Variants in PRDM5 observed in about 807,000 individuals in gnomAD.
PRDM5 encodes PR domain zinc finger protein 5.
A neutral mutation model predicts 81.2 loss-of-function variants in PRDM5; 56 were observed. That is an observed-to-expected ratio of 0.69 (90% confidence interval 0.56 to 0.86). The LOEUF (loss-of-function observed/expected upper bound fraction) is 0.86. PRDM5 is among the 40% of genes least tolerant of loss of function. The pLI, the probability that PRDM5 is intolerant of heterozygous loss-of-function variation, is 0.00. For missense variants in PRDM5, 697 were observed against 770.1 expected (o/e 0.91, Z 1.12); for synonymous variants, 267 against 256.4 (o/e 1.04, Z -0.39).
intron 15 of PRDM5, among the ~76,000 whole-genome samples, chr4:120,709,205 A>G (rs1297750335): frequency 6.6e-6 from 1 of 152,186 alleles, no homozygotes; most frequent in Non-Finnish European, 1.5e-5. Flanking sequence ...TATATCAGCT[A>G]CTTGTGTCAC....
chr4:120,694,160 T>C lies in PRDM5; in HGVS notation c.*951A>G, dbSNP rs1734281022. On this transcript the variant is annotated 3_prime_UTR_variant, in exon 16 of 16. Coordinates refer to ENST00000264808, the MANE Select transcript of PRDM5 (RefSeq NM_018699.4). ...TGAGGACTGTATCTGCACTAACATG[T>C]TCTGTGCACTTTTATGGAAGGAGAG... is the stretch of plus-strand genomic sequence containing the variant. 6.6e-6 allele frequency: 1 copy of C among 152,136 alleles called. No homozygotes were observed. The highest frequency in any genetic ancestry group is 2.4e-5 in the African/African-American group (1 of 41,434). 9.4% of individuals were successfully genotyped at this position (152,136 alleles called of 1,614,324 possible). A position where few individuals can be genotyped will look rare whatever the true frequency, so the allele number is the denominator to read the frequency against.
intron 10 of PRDM5, among the ~76,000 whole-genome samples, chr4:120,789,046 C>T (rs745559363): frequency 6.6e-6 from 1 of 152,148 alleles, no homozygotes; most frequent in Non-Finnish European, 1.5e-5. Flanking sequence ...AAGCTTTTCA[C>T]TGATTTATTG....
chr4:120,723,906 A>C (rs916462316), intron 14 of PRDM5, among the ~76,000 whole-genome samples: 6 of 147,972 alleles, frequency 4.1e-5, no homozygotes, highest in Non-Finnish European at 7.4e-5. Context: ...AAGTCTTACA[A>C]ATTTAAGATA....
chr4:120,891,217 T>C (rs769095583), intron 2 of PRDM5, among the ~76,000 whole-genome samples: 1 of 152,204 alleles, frequency 6.6e-6, no homozygotes, highest in African/African-American at 2.4e-5. Context: ...AAACTCATTA[T>C]TGAATCTGTT....
chr4:120,786,397 A>G (rs1749767309), intron 10 of PRDM5, among the ~76,000 whole-genome samples: 1 of 151,666 alleles, frequency 6.6e-6, no homozygotes, highest in African/African-American at 2.4e-5. Context: ...ATAGATCAAT[A>G]AAACAGAAAA....
chr4:120,798,136 G>A (rs1751587814), intron 10 of PRDM5, 131 bp downstream of exon 10: 1 of 600,856 alleles, frequency 1.7e-6, no homozygotes, highest in Non-Finnish European at 2.7e-6. Context: ...TATGGCCCAG[G>A]TGAGTGATCT....
At chr4:120,773,342 AC>A (rs1012139577) in intron 13 of PRDM5, among the ~76,000 whole-genome samples, 1 of 152,240 alleles carries the variant, frequency 6.6e-6, no homozygotes, top group Non-Finnish European at 1.5e-5. Context: ...TAGCAGTCAA[AC>A]AAAATTTAGA....
At chr4:120,917,031 A>G (rs1216340567) in intron 1 of PRDM5, among the ~76,000 whole-genome samples, 1 of 152,236 alleles carries the variant, frequency 6.6e-6, no homozygotes, top group African/African-American at 2.4e-5. Flanking sequence ...AAAACTCTGC[A>G]GTGCCCTCTC....
intron 2 of PRDM5, among the ~76,000 whole-genome samples, chr4:120,864,484 G>T (rs1006447283): frequency 1.3e-5 from 2 of 152,146 alleles, no homozygotes; most frequent in Non-Finnish European, 2.9e-5. Flanking sequence ...AAATATTGAT[G>T]TTACATGCAA....
chr4:120,895,340 G>C (rs1456983403), intron 2 of PRDM5, among the ~76,000 whole-genome samples: 1 of 152,124 alleles, frequency 6.6e-6, no homozygotes, highest in African/African-American at 2.4e-5. Flanking sequence ...CACAAAGTAA[G>C]TGAAGAACCA....
chr4:120,787,953 C>T (rs1750007167), intron 10 of PRDM5, among the ~76,000 whole-genome samples: 1 of 152,082 alleles, frequency 6.6e-6, no homozygotes, highest in South Asian at 2.1e-4. Context: ...AAGATACTAT[C>T]TGTGATTAAT....
chr4:120,756,138 A>C (rs1744703040), intron 13 of PRDM5, among the ~76,000 whole-genome samples: 1 of 152,178 alleles, frequency 6.6e-6, no homozygotes, highest in Admixed American at 6.5e-5. Context: ...AAGGCTTGGC[A>C]ACATCTAGGA....
intron 15 of PRDM5, among the ~76,000 whole-genome samples, chr4:120,697,958 T>TA (rs1343527120): frequency 4.7e-5 from 3 of 64,466 alleles, no homozygotes; most frequent in Non-Finnish European, 1.3e-4. Flanking sequence ...ACAAATAAAA[T>TA]AAAATAAAAA....
chr4:120,771,026 C>A (rs1747214092), intron 13 of PRDM5, among the ~76,000 whole-genome samples: 1 of 152,008 alleles, frequency 6.6e-6, no homozygotes, highest in Non-Finnish European at 1.5e-5. Context: ...ACATCTTTCT[C>A]ATTTCTTTTC....
chr4:120,826,952 T>G (rs1231654934), intron 3 of PRDM5, among the ~76,000 whole-genome samples: 4 of 152,184 alleles, frequency 2.6e-5, no homozygotes, highest in Admixed American at 6.5e-5. Flanking sequence ...ACTGTGAATT[T>G]TTGCTTTAAA....
rs184778477 is a variant in PRDM5, at chr4:120,852,075, A to G, written c.300+1343T>C. Among the ~76,000 whole-genome samples the G allele has an allele frequency of 1.3e-3, 198 of 152,212 alleles. 4 individuals are homozygous for G. Among genetic ancestry groups the G allele is most frequent in the African/African-American group, 4.1e-3 (172 of 41,564 alleles). The stretch of plus-strand genomic sequence containing the variant: ...GTCATCTGATCAATGTGTTTTAGAG[A>G]AGCCCTAACTATAGGGCTCCTCTAA... On this transcript the variant is annotated intron_variant, in intron 3 of 15. Coordinates refer to ENST00000264808, the MANE Select transcript of PRDM5 (RefSeq NM_018699.4).
intron 3 of PRDM5, among the ~76,000 whole-genome samples, chr4:120,841,644 C>T (rs1171162457): frequency 6.6e-6 from 1 of 152,092 alleles, no homozygotes; most frequent in Non-Finnish European, 1.5e-5. Context: ...AAAATCTTGC[C>T]TGGCAACAAG....
intron 3 of PRDM5, among the ~76,000 whole-genome samples, chr4:120,830,504 C>T (rs1756581747): frequency 6.6e-6 from 1 of 152,056 alleles, no homozygotes; most frequent in African/African-American, 2.4e-5. Context: ...TGCTATAAAC[C>T]ACTAAGAGTT....
chr4:120,892,882 G>A lies in PRDM5; in HGVS notation c.177+14592C>T, dbSNP rs149100747. Among the ~76,000 whole-genome samples the A allele has an allele frequency of 5.8e-3, 884 of 152,138 alleles. 8 individuals are homozygous for A. The highest frequency in any genetic ancestry group is 0.018 in the African/African-American group (730 of 41,512). On this transcript the variant is annotated intron_variant, in intron 2 of 15. Coordinates refer to ENST00000264808, the MANE Select transcript of PRDM5 (RefSeq NM_018699.4). ...CCCACCCTACCATCTGGGTACTTCC[G>A]AGGACAGCAGAAGGTTGCAGCTGCA...
Sources: gnomAD v4.1 joint callset for allele counts (sites outside exome capture counted in the v4.1 genomes callset) on GRCh38, gnomAD v4.1.1 for gene constraint, MANE v1.5 for transcripts, NCBI Gene and HGNC (gene_info 2026-07-23, HGNC 2026-07-21) for gene names.